The following PTPRK variants were observed in gnomAD, a reference collection of about 807,000 sequenced individuals.
The protein encoded by PTPRK is receptor-type tyrosine-protein phosphatase kappa.
A neutral mutation model predicts 178.0 loss-of-function variants in PTPRK; 75 were observed. The ratio of observed to expected loss-of-function variants is 0.42; its 90% CI spans 0.35 to 0.51. PTPRK has a LOEUF of 0.51. Among genes scored for constraint, PTPRK ranks in the 20% least tolerant of loss-of-function variants. PTPRK has a pLI of 0.02. For synonymous variants in PTPRK, 637 were observed against 620.6 expected, an observed-to-expected ratio of 1.03 and a Z score of -0.39; for missense variants, 1,441 against 1,797.8, an observed-to-expected ratio of 0.80 and a Z score of 3.59.
intron 1 of PTPRK, among the ~76,000 whole-genome samples, chr6:128,514,128 A>G (rs1857576781): frequency 6.6e-6 from 1 of 152,202 alleles, no homozygotes; most frequent in African/African-American, 2.4e-5. Flanking sequence ...ATATTAATAG[A>G]TACCAATCTG....
intron 1 of PTPRK, among the ~76,000 whole-genome samples, chr6:128,410,443 T>A (rs1437639619): frequency 6.6e-6 from 1 of 152,226 alleles, no homozygotes; most frequent in African/African-American, 2.4e-5. Flanking sequence ...TTTCATATAT[T>A]CTGAGCATAT....
intron 7 of PTPRK, among the ~76,000 whole-genome samples, chr6:128,127,788 C>T (rs1793619218): frequency 1.3e-5 from 2 of 152,170 alleles, no homozygotes; most frequent in South Asian, 4.1e-4. Context: ...GATTGGTGTA[C>T]TCCATCTAAA....
chr6:128,197,044 A>G (rs1353964845), intron 6 of PTPRK, among the ~76,000 whole-genome samples: 1 of 152,112 alleles, frequency 6.6e-6, no homozygotes, highest in Non-Finnish European at 1.5e-5. Context: ...AGAAGGTACC[A>G]TGTTTCTTTG....
At chr6:128,432,772 A>ACACACACC (rs965738083) in intron 1 of PTPRK, among the ~76,000 whole-genome samples, 137 of 150,946 alleles carry the variant, frequency 9.1e-4, no homozygotes, top group African/African-American at 2.6e-3. Context: ...ACACACACAC[A>ACACACACC]CCCTAACTCA....
At chr6:128,412,225 A>C (rs1842388649) in intron 1 of PTPRK, among the ~76,000 whole-genome samples, 1 of 152,196 alleles carries the variant, frequency 6.6e-6, no homozygotes, top group Non-Finnish European at 1.5e-5. Context: ...GCAGCCATTG[A>C]TGGCAGAGTG....
At chr6:128,227,999 A>T (rs1198896209) in intron 5 of PTPRK, among the ~76,000 whole-genome samples, 1 of 152,046 alleles carries the variant, frequency 6.6e-6, no homozygotes, top group Non-Finnish European at 1.5e-5. Flanking sequence ...AGAGAACATT[A>T]GGAGAAATAC....
chr6:127,992,028 GTTTTACTTTCC>G (rs1226062889), intron 19 of PTPRK, among the ~76,000 whole-genome samples: 1 of 151,620 alleles, frequency 6.6e-6, no homozygotes. Flanking sequence ...CCTAGCTTTT[GTTTTACTTTCC>G]TTTTATATAA....
At chr6:128,040,361 G>C (rs1207433882) in intron 13 of PTPRK, among the ~76,000 whole-genome samples, 1 of 152,066 alleles carries the variant, frequency 6.6e-6, no homozygotes, top group Non-Finnish European at 1.5e-5. Context: ...GGAAAGATGT[G>C]CTAGGACAGT....
At chr6:128,018,580 A>G (rs946290446) in intron 13 of PTPRK, among the ~76,000 whole-genome samples, 1 of 151,904 alleles carries the variant, frequency 6.6e-6, no homozygotes, top group Admixed American at 6.6e-5. Flanking sequence ...TAAGTTAACC[A>G]CTGCTCCTCA....
chr6:128,448,303 G>A (rs1235797711), intron 1 of PTPRK, among the ~76,000 whole-genome samples: 1 of 152,040 alleles, frequency 6.6e-6, no homozygotes, highest in African/African-American at 2.4e-5. Flanking sequence ...ATAAATGATG[G>A]CTATTTATAA....
chr6:128,325,653 T>TA (rs1199029531), intron 2 of PTPRK, among the ~76,000 whole-genome samples: 20 of 152,070 alleles, frequency 1.3e-4, no homozygotes, highest in African/African-American at 4.6e-4. Flanking sequence ...TGGTGATCAT[T>TA]AAAAAGTCAA....
At chr6:128,375,068 A>AT (rs1836845536) in intron 2 of PTPRK, among the ~76,000 whole-genome samples, 2 of 141,930 alleles carry the variant, frequency 1.4e-5, no homozygotes, top group South Asian at 2.1e-4. Context: ...CATTATTATT[A>AT]TTATTATTAT....
At chr6:128,518,184 G>C (rs974347905) in intron 1 of PTPRK, among the ~76,000 whole-genome samples, 6 of 152,154 alleles carry the variant, frequency 3.9e-5, no homozygotes, top group Admixed American at 1.3e-4. Context: ...TGTGATTACT[G>C]TACTTTTTAG....
At chr6:128,475,697 T>C (rs921606575) in intron 1 of PTPRK, among the ~76,000 whole-genome samples, 2 of 152,020 alleles carry the variant, frequency 1.3e-5, no homozygotes, top group South Asian at 2.1e-4. Context: ...TATGCTGAGA[T>C]TGAGGTACTC....
At chr6:128,110,008 C>A (rs949532716) in intron 7 of PTPRK, among the ~76,000 whole-genome samples, 1 of 152,048 alleles carries the variant, frequency 6.6e-6, no homozygotes, top group Non-Finnish European at 1.5e-5. Context: ...TGGGCTTAAG[C>A]AATCCTCCTG....
chr6:128,128,197 T>C (rs1439328060), intron 7 of PTPRK, among the ~76,000 whole-genome samples: 3 of 152,198 alleles, frequency 2.0e-5, no homozygotes, highest in Non-Finnish European at 4.4e-5. Flanking sequence ...CACACTAATT[T>C]CATTTTTTAA....
intron 5 of PTPRK, among the ~76,000 whole-genome samples, chr6:128,230,303 T>C (rs1812085824): frequency 1.3e-5 from 2 of 152,174 alleles, no homozygotes; most frequent in Admixed American, 1.3e-4. Flanking sequence ...AGGACAAACC[T>C]ACAGATTAAA....
chr6:128,385,415 G>C (rs998428816), intron 2 of PTPRK, among the ~76,000 whole-genome samples: 1 of 152,058 alleles, frequency 6.6e-6, no homozygotes, highest in Non-Finnish European at 1.5e-5. Context: ...ATGAAAAAGA[G>C]CTTCAAATCA....
chr6:128,194,064 A>ATATATAT (rs1307363948), intron 6 of PTPRK, among the ~76,000 whole-genome samples: 2 of 137,566 alleles, frequency 1.5e-5, no homozygotes, highest in Non-Finnish European at 3.1e-5. Flanking sequence ...ATTTATATAT[A>ATATATAT]TATTATTATT....
Sources: allele counts gnomAD v4.1 joint callset (sites outside exome capture counted in the v4.1 genomes callset), GRCh38; gene constraint gnomAD v4.1.1; transcripts MANE v1.5; gene names NCBI Gene and HGNC (gene_info 2026-07-23, HGNC 2026-07-21).